The following MLXIP variants were observed in gnomAD, a reference collection of about 807,000 sequenced individuals.
The protein encoded by MLXIP is MLX interacting protein, also known as MLX-interacting protein.
A neutral mutation model predicts 87.2 loss-of-function variants in MLXIP; 30 were observed. That is an observed-to-expected ratio of 0.34 (90% confidence interval 0.26 to 0.47). The LOEUF (loss-of-function observed/expected upper bound fraction) is 0.47. Ranked by LOEUF, MLXIP falls within the 20% of genes least tolerant of loss-of-function variation. The probability of loss-of-function intolerance (pLI) is 1.00; values close to 1 mark genes in which losing one functional copy is unlikely to be tolerated. For synonymous variants in MLXIP, 530 were observed against 514.0 expected (o/e 1.03, Z -0.42); for missense variants, 1,002 against 1,240.1 (o/e 0.81, Z 2.88).
chr12:122,098,443 T>A (rs1396453243), intron 1 of MLXIP, among the ~76,000 whole-genome samples: 1 of 152,114 alleles, frequency 6.6e-6, no homozygotes, highest in African/African-American at 2.4e-5. Flanking sequence ...TTCAGTTCTT[T>A]GTTCTTTGTT....
chr12:122,116,996 G>A (rs1952702312), intron 1 of MLXIP, among the ~76,000 whole-genome samples: 1 of 152,172 alleles, frequency 6.6e-6, no homozygotes, highest in Non-Finnish European at 1.5e-5. Flanking sequence ...CATCTTGCCT[G>A]GTATCCACTC....
At chr12:122,104,882 C>G (rs1440983612) in intron 1 of MLXIP, among the ~76,000 whole-genome samples, 1 of 152,094 alleles carries the variant, frequency 6.6e-6, no homozygotes, top group East Asian at 1.9e-4. Context: ...ACCCGGCCAG[C>G]CTTTTTTCTT....
chr12:122,092,571 G>A (rs989756918), intron 1 of MLXIP, among the ~76,000 whole-genome samples: 3 of 152,188 alleles, frequency 2.0e-5, no homozygotes, highest in Non-Finnish European at 4.4e-5. Flanking sequence ...AGGAGCTGGG[G>A]TGATGATTTT....
intron 1 of MLXIP, among the ~76,000 whole-genome samples, chr12:122,126,776 G>T (rs1309007520): frequency 6.6e-6 from 1 of 152,210 alleles, no homozygotes; most frequent in Non-Finnish European, 1.5e-5. Flanking sequence ...GTTGCTGTGT[G>T]ACCCATGACT....
rs779275809 is a variant in MLXIP, at chr12:122,137,483, A to G, written c.2047A>G (p.Asn683Asp). 1.5e-5 allele frequency: 24 copies of G among 1,613,744 alleles called. No individual in the cohort carries two copies. The highest frequency in any genetic ancestry group is 2.0e-5 in the Non-Finnish European group (24 of 1,179,834). Residue 683 changes from asparagine (N) to aspartate (D), a missense_variant, in exon 12 of 17, where the codon AAC becomes GAC. This residue lies in a region of MLXIP where 746 missense variants were observed against 897.0 expected (regional missense o/e 0.83). Coordinates refer to ENST00000319080, the MANE Select transcript of MLXIP (RefSeq NM_014938.6). This position sits in a 1 kb window ranked among gnomAD's most constrained non-coding sequence, Gnocchi z 4.1. ...TVTGPSRDCP[N>D]SGQASPCASE... ...GTTCTTACCAGGTCGGGACTGCCCA[A>G]ACTCAGGGCAGGCCTCTCCGTGTGC...
chr12:122,114,062 C>T (rs544178510), intron 1 of MLXIP, among the ~76,000 whole-genome samples: 15 of 148,804 alleles, frequency 1.0e-4, no homozygotes, highest in Non-Finnish European at 1.8e-4. Flanking sequence ...CTTGGCTCAC[C>T]GCGCAACCTC....
intron 11 of MLXIP, chr12:122,136,671 C>G (rs958668509): frequency 6.6e-6 from 1 of 152,122 alleles, no homozygotes; most frequent in African/African-American, 2.4e-5. Context: ...GAACTCTGAG[C>G]AAACAGTTGT....
intron 1 of MLXIP, among the ~76,000 whole-genome samples, chr12:122,124,082 G>A (rs940628412): frequency 1.3e-5 from 2 of 152,056 alleles, no homozygotes; most frequent in Non-Finnish European, 2.9e-5. Flanking sequence ...CCTTCAGGAC[G>A]CTGAGCACAG....
Position 122,141,777 on chromosome 12 carries a change from G to A in MLXIP, c.2725G>A (p.Val909Ile), listed in dbSNP as rs1350488805. 1 of 1,613,756 alleles carries A rather than the reference G, an allele frequency of 6.2e-7. No individual in the cohort carries two copies. Among genetic ancestry groups the A allele is most frequent in the African/African-American group, 1.3e-5 (1 of 74,942 alleles). Reference protein sequence around the residue: ...AQLPEQASKAVTRIGKRLGES With the variant: ...AQLPEQASKAITRIGKRLGES The stretch of plus-strand genomic sequence containing the variant: ...GCTGCCAGAGCAGGCGTCCAAGGCT[G>A]TCACCAGGATTGGCAAGAGATTGGG... The change falls in exon 17 of 17, where the codon GTC (valine) becomes ATC (isoleucine). Residue 909 changes from valine (V) to isoleucine (I), a missense_variant. Physicochemically the swap from Val to Ile is conservative, Grantham distance 29 (BLOSUM62 3). Transcript: ENST00000319080.
In MLXIP at chr12:122,120,728, A is replaced by AGG. The variant is rs1238537126; in HGVS notation, c.414-6527_414-6526dup. Among the ~76,000 whole-genome samples the AGG allele has an allele frequency of 6.6e-5, 10 of 152,202 alleles. No individual in the cohort carries two copies. The East Asian group carries it at 1.5e-3, about 23-fold the overall frequency. On this transcript the variant is annotated intron_variant, in intron 1 of 16. Transcript: ENST00000319080. The stretch of plus-strand genomic sequence containing the variant: ...GACCTTCCACCTCCACCCCCTCTTC[A>AGG]GGAGCAGGGGAAGGAGGGAACGACC...
Position 122,135,889 on chromosome 12 carries a change from C to A in MLXIP, c.2032+223C>A. The A allele has an allele frequency of 1.8e-6, 1 of 559,012 alleles. No individual in the cohort carries two copies. The highest frequency in any genetic ancestry group is 3.0e-6 in the Non-Finnish European group (1 of 331,092). 34.6% of individuals were successfully genotyped at this position (559,012 alleles called of 1,614,324 possible). On this transcript the variant is annotated intron_variant, in intron 11 of 16. Coordinates refer to ENST00000319080, the MANE Select transcript of MLXIP (RefSeq NM_014938.6). The surrounding 1 kb of genome is among the most constrained non-coding windows in gnomAD (Gnocchi z 5.3). ...AGGGCAAAAAGTAGTGAACATGTGG[C>A]AGTGTAGGTGACCCGTGTGCTCGGG... is the stretch of plus-strand genomic sequence containing the variant.
At chr12:122,129,017 G>C (rs1157109995) in intron 3 of MLXIP, 120 bp from the exon 4 acceptor site, 1 of 750,198 alleles carries the variant, frequency 1.3e-6, no homozygotes, top group Non-Finnish European at 2.3e-6. Flanking sequence ...GGTAGCCACT[G>C]TGGGGTTTCC....
In MLXIP at chr12:122,138,653, T is replaced by C. The variant is rs551601186; in HGVS notation, c.2384+102T>C. ...TGTGGCCTCATCACTGGTCAGTGCC[T>C]CTTTGCTGCAGTAGTTCTGCTCTTT... On this transcript the variant is annotated intron_variant, in intron 14 of 16. Coordinates refer to ENST00000319080, the MANE Select transcript of MLXIP (RefSeq NM_014938.6). 59 of 1,505,126 alleles carry C rather than the reference T, an allele frequency of 3.9e-5. 1 individual carries two copies. The South Asian group carries it at 4.8e-4, about 12-fold the overall frequency. 93.2% of individuals were successfully genotyped at this position (1,505,126 alleles called of 1,614,324 possible).
intron 1 of MLXIP, among the ~76,000 whole-genome samples, chr12:122,087,858 G>GT (rs200238678): frequency 0.012 from 1,834 of 152,288 alleles, 40 homozygotes; most frequent in African/African-American, 0.042. Context: ...ATTCAGGGTG[G>GT]TTTTTGGACT....
Position 122,135,417 on chromosome 12 carries a change from C to G in MLXIP, c.1854+72C>G. On this transcript the variant is annotated intron_variant, in intron 10 of 16. Transcript: ENST00000319080. The surrounding 1 kb of genome is among the most constrained non-coding windows in gnomAD (Gnocchi z 5.3). The stretch of plus-strand genomic sequence containing the variant: ...GCACTCTGATCTTGGGCGGCCCTCA[C>G]CTGAGACGACTGGTGTGCCGCCCTG... 1 of 1,601,596 alleles carries G rather than the reference C, an allele frequency of 6.2e-7. No individual in the cohort carries two copies.
At position 122,129,641 on chromosome 12, in the gene MLXIP, T is replaced by C. The variant is rs758054674; in HGVS notation, c.738+12T>C. 1.1e-5 allele frequency: 18 copies of C among 1,590,094 alleles called. No individual in the cohort carries two copies. In the African/African-American group the frequency reaches 2.8e-4, roughly 25 times the overall value. The stretch of plus-strand genomic sequence containing the variant: ...CCAGCCTGGTCCAGGTGGGTGAGCC[T>C]GGGAGCTCTGAGGACCCCCACTTTG... On this transcript the variant is annotated intron_variant, in intron 5 of 16. Coordinates refer to ENST00000319080, the MANE Select transcript of MLXIP (RefSeq NM_014938.6).
intron 1 of MLXIP, among the ~76,000 whole-genome samples, chr12:122,125,045 A>G (rs771401471): frequency 1.7e-4 from 26 of 152,352 alleles, no homozygotes; most frequent in Non-Finnish European, 3.2e-4. Context: ...GCATGCCTGT[A>G]ATCCCAGCTA....
rs1305003755 is a variant in MLXIP, at chr12:122,079,244, G to C, written c.391G>C (p.Glu131Gln). The change falls in exon 1 of 17, where the codon GAG (glutamate) becomes CAG (glutamine). Residue 131 changes from glutamate (E) to glutamine (Q), a missense_variant. By Grantham distance (29) the Glu-to-Gln change is conservative (BLOSUM62 2). This residue lies in a region of MLXIP where 127 missense variants were observed against 239.0 expected (regional missense o/e 0.53). Coordinates refer to ENST00000319080, the MANE Select transcript of MLXIP (RefSeq NM_014938.6). ...CGACGCCTCGCTCACCAAGCTCTTC[G>C]AGTGCATGACTTTGGCCTACAGGTA... Reference protein sequence around the residue: ...SIDASLTKLFECMTLAYSGKL... With the variant: ...SIDASLTKLFQCMTLAYSGKL... 2.6e-6 allele frequency: 4 copies of C among 1,550,804 alleles called. No individual in the cohort carries two copies. Among genetic ancestry groups the C allele is most frequent in the Non-Finnish European group, 3.5e-6 (4 of 1,146,596 alleles).
intron 11 of MLXIP, chr12:122,136,157 G>C (rs1354646678): frequency 6.4e-6 from 1 of 155,068 alleles, no homozygotes; most frequent in Non-Finnish European, 1.4e-5. Flanking sequence ...GAGCAGGACT[G>C]ATTTTGCCCA....
Sources: gnomAD v4.1 joint callset for allele counts (sites outside exome capture counted in the v4.1 genomes callset) on GRCh38, gnomAD v4.1.1 for gene constraint, gnomAD v4.1.1 regional missense constraint, Gnocchi (gnomAD v3.1) non-coding constraint, MANE v1.5 for transcripts, NCBI Gene and HGNC (gene_info 2026-07-23, HGNC 2026-07-21) for gene names.